The following DNAH7 variants were observed in gnomAD, a reference collection of about 807,000 sequenced individuals.
DNAH7 encodes the protein axonemal beta dynein heavy chain 7.
A neutral mutation model predicts 444.6 loss-of-function variants in DNAH7; 397 were observed. The ratio of observed to expected loss-of-function variants is 0.89; its 90% CI spans 0.82 to 0.97. The LOEUF (loss-of-function observed/expected upper bound fraction) is 0.97, where lower values mean the gene tolerates loss of function less well. DNAH7 is among the 50% of genes least tolerant of loss of function. The pLI, the probability that DNAH7 is intolerant of heterozygous loss-of-function variation, is 0.00. For synonymous variants in DNAH7, 1,636 were observed against 1,624.4 expected, an observed-to-expected ratio of 1.01 and a Z score of -0.17; for missense variants, 4,902 against 4,800.8, an observed-to-expected ratio of 1.02 and a Z score of -0.62.
intron 2 of DNAH7, among the ~76,000 whole-genome samples, chr2:196,052,593 G>A (rs1419177299): frequency 6.6e-6 from 1 of 152,196 alleles, no homozygotes; most frequent in East Asian, 1.9e-4. Context: ...GGTAAATACT[G>A]TTGTACCACT....
chr2:195,860,990 A>T (rs1699984773), intron 42 of DNAH7, among the ~76,000 whole-genome samples: 1 of 152,154 alleles, frequency 6.6e-6, no homozygotes, highest in Admixed American at 6.5e-5. Flanking sequence ...TTATTTAAGT[A>T]TCTAGTAATG....
At chr2:195,769,266 GT>G (rs915510185) in intron 61 of DNAH7, among the ~76,000 whole-genome samples, 1 of 151,660 alleles carries the variant, frequency 6.6e-6, no homozygotes, top group African/African-American at 2.4e-5. Flanking sequence ...GGGTCTTACT[GT>G]TGTCAAGGTG....
rs760808173 is a variant in DNAH7 at position 195,737,906 on chromosome 2, A to AATG, written c.*12_*14dup. On this transcript the variant is annotated 3_prime_UTR_variant, in exon 65 of 65. Transcript: ENST00000312428. ...AGCCAACAAGAAATAGGAACAAGGAAATGATGTCTTCTGGTTATGAATTAA... is the reference window on the plus strand; with the variant it reads ...AGCCAACAAGAAATAGGAACAAGGAAATGATGATGTCTTCTGGTTATGAATTAA... 35 of 1,611,788 alleles carry AATG rather than the reference A, an allele frequency of 2.2e-5. No homozygotes were observed. The highest frequency in any genetic ancestry group is 6.7e-5 in the East Asian group (3 of 44,846).
chr2:195,867,818 TC>T (rs1385862734), intron 40 of DNAH7, among the ~76,000 whole-genome samples: 1 of 152,206 alleles, frequency 6.6e-6, no homozygotes, highest in Non-Finnish European at 1.5e-5. Context: ...ATTTTGTTTG[TC>T]CACTCATCAG....
chr2:195,765,295 G>A lies in DNAH7; in HGVS notation c.11433+6365C>T, dbSNP rs958712198. Among the ~76,000 whole-genome samples the A allele has an allele frequency of 2.6e-5, 4 of 152,096 alleles. 1 individual carries two copies. The highest frequency in any genetic ancestry group is 9.7e-5 in the African/African-American group (4 of 41,430). ...TCTACTGTGAGGAAACATTGAAGAAGCTCTCCAGGACCTTGGATTGGGCAA... is the reference window on the plus strand; with the variant it reads ...TCTACTGTGAGGAAACATTGAAGAAACTCTCCAGGACCTTGGATTGGGCAA... On this transcript the variant is annotated intron_variant, in intron 61 of 64. Coordinates refer to ENST00000312428, the MANE Select transcript of DNAH7 (RefSeq NM_018897.3).
At position 196,024,516 on chromosome 2, in the gene DNAH7, T is replaced by A; in HGVS notation, c.668-12A>T. On this transcript the variant is annotated splice_polypyrimidine_tract_variant and intron_variant, in intron 7 of 64. Coordinates refer to ENST00000312428, the MANE Select transcript of DNAH7 (RefSeq NM_018897.3). ...TAAAACAAAATCAACTAAAAGAAAA[T>A]TTTAAAATTCTGATAAATAACCTTA... 1 of 1,518,932 alleles carries A rather than the reference T, an allele frequency of 6.6e-7. No homozygotes were observed. The allele number at this position is 1,518,932 out of a possible 1,614,324, so 94.1% of individuals were successfully genotyped here. A position where few individuals can be genotyped will look rare whatever the true frequency, so the allele number is the denominator to read the frequency against.
At chr2:196,045,606 A>G (rs1697071546) in intron 5 of DNAH7, among the ~76,000 whole-genome samples, 1 of 152,188 alleles carries the variant, frequency 6.6e-6, no homozygotes, top group Non-Finnish European at 1.5e-5. Flanking sequence ...AATCACATAG[A>G]AAATACAAAG....
chr2:195,883,888 A>G (rs1574660053), intron 35 of DNAH7, among the ~76,000 whole-genome samples: 1 of 152,214 alleles, frequency 6.6e-6, no homozygotes, highest in African/African-American at 2.4e-5. Flanking sequence ...TATAAAAGTG[A>G]GAATCTAAAA....
At chr2:195,819,294 A>G (rs964549500) in intron 49 of DNAH7, among the ~76,000 whole-genome samples, 4 of 152,210 alleles carry the variant, frequency 2.6e-5, no homozygotes, top group Non-Finnish European at 5.9e-5. Context: ...TCATGGGCAT[A>G]TATACCTCTC....
chr2:195,942,583 C>A (rs939241267), intron 19 of DNAH7, among the ~76,000 whole-genome samples: 2 of 152,066 alleles, frequency 1.3e-5, no homozygotes, highest in African/African-American at 4.8e-5. Context: ...AGATCAAGAA[C>A]TTCCCATTTA....
chr2:196,006,931 C>T lies in DNAH7; in HGVS notation c.990-5073G>A, dbSNP rs1043495588. ...TAATACACATATACTGAAAACTACA[C>T]GACATTGTTGAAATAAATTAAAGAA... On this transcript the variant is annotated intron_variant, in intron 10 of 64. Coordinates refer to ENST00000312428, the MANE Select transcript of DNAH7 (RefSeq NM_018897.3). Among the ~76,000 whole-genome samples, 18 of 151,898 alleles carry T rather than the reference C, an allele frequency of 1.2e-4. 1 individual carries two copies. Among genetic ancestry groups the T allele is most frequent in the African/African-American group, 2.7e-4 (11 of 41,348 alleles).
chr2:195,949,195 A>G (rs966779534), intron 19 of DNAH7, among the ~76,000 whole-genome samples: 1 of 152,208 alleles, frequency 6.6e-6, no homozygotes, highest in African/African-American at 2.4e-5. Context: ...TTGGGCTGAG[A>G]CAATGGAGTT....
chr2:195,985,158 C>T (rs2125625093), intron 14 of DNAH7, among the ~76,000 whole-genome samples: 1 of 152,210 alleles, frequency 6.6e-6, no homozygotes, highest in African/African-American at 2.4e-5. Flanking sequence ...GCAAATATTT[C>T]CTACTGATTT....
rs558817046 is a variant in DNAH7, at chr2:195,788,463, A to C, written c.10717-1292T>G. On this transcript the variant is annotated intron_variant, in intron 57 of 64. Transcript: ENST00000312428. ...AAGGCTGGCTTTACAATTTAAAATG[A>C]CTACAGAACACTTTACTACCTAACA... is the stretch of plus-strand genomic sequence containing the variant. Among the ~76,000 whole-genome samples the C allele has an allele frequency of 2.0e-3, 305 of 152,354 alleles. 6 individuals are homozygous for C. Among genetic ancestry groups the C allele is most frequent in the African/African-American group, 7.0e-3 (292 of 41,590 alleles).
chr2:195,883,558 T>C (rs1436727730), intron 35 of DNAH7, among the ~76,000 whole-genome samples: 1 of 151,834 alleles, frequency 6.6e-6, no homozygotes, highest in Non-Finnish European at 1.5e-5. Context: ...ATTTCCTCAA[T>C]GGCAAAACTT....
chr2:196,047,789 A>G (rs1033333216), intron 4 of DNAH7, among the ~76,000 whole-genome samples: 2 of 151,942 alleles, frequency 1.3e-5, no homozygotes, highest in Non-Finnish European at 2.9e-5. Context: ...AGTGAACATT[A>G]AAATTATGAT....
chr2:195,897,328 T>C (rs1702378496), intron 29 of DNAH7, among the ~76,000 whole-genome samples: 1 of 152,194 alleles, frequency 6.6e-6, no homozygotes, highest in African/African-American at 2.4e-5. Context: ...GCATTTACTA[T>C]ATCTATACTG....
At chr2:195,981,373 A>G (rs766623528) in intron 15 of DNAH7, among the ~76,000 whole-genome samples, 5 of 152,154 alleles carry the variant, frequency 3.3e-5, no homozygotes, top group African/African-American at 4.8e-5. Flanking sequence ...ATGTTCATAA[A>G]TTAGAAGAAT....
In DNAH7 at chr2:195,906,742, G is replaced by T. The variant is rs1224878495; in HGVS notation, c.4252C>A (p.Leu1418Ile). 6.2e-7 allele frequency: 1 copy of T among 1,613,334 alleles called. No individual in the cohort carries two copies. The highest frequency in any genetic ancestry group is 1.3e-5 in the African/African-American group (1 of 74,852). ...ACAGCACATGTGGGGTCAAGTTTTA[G>T]TTCAGTTCCTTCAAACATCAGTATA... ...ADILMFEGTE[L>I]KLDPTCAVFI... Residue 1418 changes from leucine (L) to isoleucine (I), a missense_variant, in exon 27 of 65, where the codon CTA becomes ATA. Coordinates refer to ENST00000312428, the MANE Select transcript of DNAH7 (RefSeq NM_018897.3).
Sources: allele counts gnomAD v4.1 joint callset (sites outside exome capture counted in the v4.1 genomes callset), GRCh38; gene constraint gnomAD v4.1.1; transcripts MANE v1.5; gene names NCBI Gene and HGNC (gene_info 2026-07-23, HGNC 2026-07-21).